The following RYR2 variants were observed in gnomAD, a reference collection of about 807,000 sequenced individuals.
RYR2 encodes ryanodine receptor 2, also known as cardiac muscle ryanodine receptor-calcium release channel.
A neutral mutation model predicts 601.1 loss-of-function variants in RYR2; 227 were observed. That is an observed-to-expected ratio of 0.38 (90% CI 0.34 to 0.42). RYR2 has a LOEUF of 0.42. Ranked by LOEUF, RYR2 falls within the 10% of genes least tolerant of loss-of-function variation. RYR2 has a pLI of 1.00. For missense variants in RYR2, 4,646 were observed against 6,156.5 expected (o/e 0.75, Z 8.21); for synonymous variants, 2,223 against 2,175.1 (o/e 1.02, Z -0.61).
intron 43 of RYR2, 100 bp downstream of exon 43, chr1:237,633,810 A>C: frequency 8.8e-7 from 1 of 1,142,052 alleles, no homozygotes; most frequent in Non-Finnish European, 1.2e-6. Flanking sequence ...GGACCTGAAT[A>C]GACATTTCAC....
intron 21 of RYR2, among the ~76,000 whole-genome samples, chr1:237,502,758 T>C (rs1243652331): frequency 6.6e-6 from 1 of 151,594 alleles, no homozygotes; most frequent in South Asian, 2.1e-4. Context: ...GGCCTGGGGG[T>C]TGGGGCCCCT....
intron 65 of RYR2, among the ~76,000 whole-genome samples, chr1:237,701,442 A>T (rs925868439): frequency 6.6e-6 from 1 of 152,080 alleles, no homozygotes; most frequent in African/African-American, 2.4e-5. Context: ...GAGACAAGAT[A>T]ATCACTTGAA....
intron 29 of RYR2, among the ~76,000 whole-genome samples, chr1:237,575,642 C>T (rs1004447637): frequency 6.6e-5 from 10 of 151,906 alleles, no homozygotes; most frequent in African/African-American, 2.4e-4. Context: ...GATGGCAAAA[C>T]ATGCCATATC....
chr1:237,273,797 A>C (rs1040245667), intron 2 of RYR2, among the ~76,000 whole-genome samples: 2 of 150,568 alleles, frequency 1.3e-5, no homozygotes, highest in Admixed American at 6.6e-5. Flanking sequence ...TAAAAATATG[A>C]GTGTTAGGGA....
At position 237,634,739 on chromosome 1, in the gene RYR2, C is replaced by T. The variant is rs542399505; in HGVS notation, c.6689-150C>T. 419 of 520,180 alleles carry T rather than the reference C, an allele frequency of 8.1e-4. 4 individuals carry two copies. In the East Asian group the frequency reaches 0.012, roughly 15 times the overall value. 32.2% of individuals were successfully genotyped at this position (520,180 alleles called of 1,614,324 possible). ...AATTTTTATTTGTCAATTCAAAATA[C>T]GTAAAATTAAACTTTAATGTAAATC... On this transcript the variant is annotated intron_variant, in intron 43 of 104. Coordinates refer to ENST00000366574, the MANE Select transcript of RYR2 (RefSeq NM_001035.3).
chr1:237,112,571 C>A (rs77108481), intron 1 of RYR2, among the ~76,000 whole-genome samples: 17 of 137,196 alleles, frequency 1.2e-4, no homozygotes, highest in South Asian at 2.3e-4. Flanking sequence ...GCTACAACAT[C>A]AAAAAAAAAA....
Position 237,491,857 on chromosome 1 carries a change from A to T in RYR2, c.1760A>T (p.Asn587Ile). The change falls in exon 18 of 105, where the codon AAT (asparagine) becomes ATT (isoleucine). Residue 587 changes from asparagine to isoleucine, a missense_variant. By Grantham distance (149) the Asn-to-Ile change is moderately radical. Around this residue, in one of 17 missense-constraint regions of RYR2, gnomAD observed 1,807 missense variants for 2,088.1 expected, o/e 0.87. Coordinates refer to ENST00000366574, the MANE Select transcript of RYR2 (RefSeq NM_001035.3). ...TTAGTAGAAAGTCCAGAAGCTCTAA[A>T]TATTATTAAAGAAGGACATATTAAA... is the stretch of plus-strand genomic sequence containing the variant. Reference protein sequence around the residue: ...CVLVESPEALNIIKEGHIKSI... With the variant: ...CVLVESPEALIIIKEGHIKSI... The T allele has an allele frequency of 6.7e-7, 1 of 1,486,584 alleles. No homozygotes were observed. Among genetic ancestry groups the T allele is most frequent in the Non-Finnish European group, 9.2e-7 (1 of 1,083,994 alleles). 92.1% of individuals were successfully genotyped at this position (1,486,584 alleles called of 1,614,324 possible).
In RYR2 at chr1:237,566,648, G is replaced by A; in HGVS notation, c.3296G>A (p.Gly1099Glu). The change falls in exon 28 of 105, where the codon GGA (glycine) becomes GAA (glutamate). Residue 1099 changes from glycine to glutamate, a missense_variant. Physicochemically the swap from Gly to Glu is moderately conservative, Grantham distance 98 (BLOSUM62 -2). This residue lies in a region of RYR2 where 1,807 missense variants were observed against 2,088.1 expected (regional missense o/e 0.87). Coordinates refer to ENST00000366574, the MANE Select transcript of RYR2 (RefSeq NM_001035.3). ...RAEKTYAVKA[G>E]RWYFEFETVT... ...GAGAAGACCTATGCAGTGAAGGCCG[G>A]ACGGTGGTATTTTGAATTTGAGACG... 1 of 1,614,000 alleles carries A rather than the reference G, an allele frequency of 6.2e-7. No homozygotes were observed. The highest frequency in any genetic ancestry group is 1.3e-5 in the African/African-American group (1 of 75,048).
intron 8 of RYR2, among the ~76,000 whole-genome samples, chr1:237,380,968 C>T (rs953827748): frequency 3.9e-5 from 6 of 152,068 alleles, no homozygotes; most frequent in Non-Finnish European, 8.8e-5. Context: ...ATCCCAGCTA[C>T]TTGGGAGGCT....
At chr1:237,713,148 G>A (rs566525823) in intron 71 of RYR2, among the ~76,000 whole-genome samples, 2 of 152,270 alleles carry the variant, frequency 1.3e-5, no homozygotes, top group Admixed American at 6.5e-5. Context: ...AGAAGTCTGT[G>A]TATTCCTGTA....
intron 29 of RYR2, among the ~76,000 whole-genome samples, chr1:237,569,612 T>G (rs1023852294): frequency 9.9e-5 from 15 of 152,226 alleles, no homozygotes; most frequent in African/African-American, 3.4e-4. Flanking sequence ...TGTTAAATTT[T>G]CATTTAGAAC....
intron 98 of RYR2, 22 bp downstream of exon 98, chr1:237,801,938 A>C (rs1002584199): frequency 6.8e-7 from 1 of 1,466,222 alleles, no homozygotes; most frequent in Non-Finnish European, 9.5e-7. Context: ...TCATTATCAC[A>C]AAAGAAAATG....
At chr1:237,428,931 G>A (rs956411859) in intron 12 of RYR2, among the ~76,000 whole-genome samples, 21 of 151,946 alleles carry the variant, frequency 1.4e-4, no homozygotes, top group African/African-American at 4.4e-4. Flanking sequence ...TTCATGATAC[G>A]CACACACACC....
chr1:237,633,008 G>T (rs2148697883), intron 42 of RYR2, among the ~76,000 whole-genome samples: 1 of 152,154 alleles, frequency 6.6e-6, no homozygotes, highest in Middle Eastern at 3.4e-3. Context: ...AGATGTGTTT[G>T]GTGGGGTCAA....
At position 237,730,318 on chromosome 1, in the gene RYR2, G is replaced by T; in HGVS notation, c.10897G>T (p.Glu3633Ter). 6.2e-7 allele frequency: 1 copy of T among 1,605,240 alleles called. No individual in the cohort carries two copies. Among genetic ancestry groups the T allele is most frequent in the South Asian group, 1.1e-5 (1 of 90,898 alleles). Reference sequence around the variant, plus strand: ...TGAAAAGTCTTGGATTGAAACAGAAGAACATTACTTTGAAGATAAACTGAT... The same window carrying T: ...TGAAAAGTCTTGGATTGAAACAGAATAACATTACTTTGAAGATAAACTGAT... ...GYEKSWIETE[E>*]HYFEDKLIED... Residue 3633 changes from glutamate (E) to a stop codon, truncating the protein, a stop_gained, in exon 77 of 105, where the codon GAA becomes TAA. Transcript: ENST00000366574. LOFTEE classifies it high-confidence loss of function.
intron 4 of RYR2, among the ~76,000 whole-genome samples, chr1:237,357,134 T>C (rs561885465): frequency 6.6e-6 from 1 of 152,160 alleles, no homozygotes; most frequent in Non-Finnish European, 1.5e-5. Context: ...TTGAAAACTA[T>C]GACTTGTATG....
Position 237,059,683 on chromosome 1 carries a change from G to A in RYR2, c.48+17114G>A, listed in dbSNP as rs767407731. Among the ~76,000 whole-genome samples the A allele has an allele frequency of 1.4e-4, 22 of 152,128 alleles. No homozygotes were observed. The Middle Eastern group carries it at 0.01, about 71-fold the overall frequency. On this transcript the variant is annotated intron_variant, in intron 1 of 104. Coordinates refer to ENST00000366574, the MANE Select transcript of RYR2 (RefSeq NM_001035.3). ...AGACTAAGGCCATGTATTTATTTGG[G>A]GATTGCATTAATAAGTTTTCAAGCA...
intron 1 of RYR2, among the ~76,000 whole-genome samples, chr1:237,054,124 A>T (rs1661639340): frequency 6.6e-6 from 1 of 152,128 alleles, no homozygotes; most frequent in Non-Finnish European, 1.5e-5. Context: ...GTTGCTGGCG[A>T]GCCCAGGGTT....
intron 1 of RYR2, among the ~76,000 whole-genome samples, chr1:237,056,178 A>G (rs958762529): frequency 6.9e-6 from 1 of 144,648 alleles, no homozygotes; most frequent in African/African-American, 2.6e-5. Flanking sequence ...ACCTCTGAGG[A>G]TTGGAACACT....
Sources: gnomAD v4.1 joint callset for allele counts (sites outside exome capture counted in the v4.1 genomes callset) on GRCh38, gnomAD v4.1.1 for gene constraint, gnomAD v4.1.1 regional missense constraint, MANE v1.5 for transcripts, NCBI Gene and HGNC (gene_info 2026-07-23, HGNC 2026-07-21) for gene names.